Variants in LSAMP observed in about 807,000 individuals in gnomAD.
The protein encoded by LSAMP is limbic system-associated membrane protein.
Under a neutral mutation model 38.6 loss-of-function variants are expected in LSAMP, and 7 were observed. That is an observed-to-expected ratio of 0.18 (90% CI 0.10 to 0.34). The LOEUF (loss-of-function observed/expected upper bound fraction) is 0.34, where lower values mean the gene tolerates loss of function less well. LSAMP is among the 10% of genes least tolerant of loss of function. The pLI, the probability that LSAMP is intolerant of heterozygous loss-of-function variation, is 1.00. For missense variants in LSAMP, 313 were observed against 420.0 expected, an observed-to-expected ratio of 0.75 and a Z score of 2.23; for synonymous variants, 154 against 166.8, an observed-to-expected ratio of 0.92 and a Z score of 0.59.
chr3:116,291,279 G>C (rs1461130), intron 1 of LSAMP, among the ~76,000 whole-genome samples: 1 of 152,138 alleles, frequency 6.6e-6, no homozygotes, highest in East Asian at 1.9e-4. Context: ...TGGGAGTATA[G>C]CTAGGTCTTT....
chr3:116,342,470 C>T (rs2048009345), intron 1 of LSAMP, among the ~76,000 whole-genome samples: 1 of 152,034 alleles, frequency 6.6e-6, no homozygotes, highest in African/African-American at 2.4e-5. Flanking sequence ...TAATACATTT[C>T]TCAAATGTAT....
At position 116,275,099 on chromosome 3, in the gene LSAMP, C is replaced by T. The variant is rs958660020; in HGVS notation, c.155+169778G>A. Among the ~76,000 whole-genome samples the T allele has an allele frequency of 1.8e-4, 28 of 152,074 alleles. 1 individual carries two copies. The highest frequency in any genetic ancestry group is 6.5e-4 in the African/African-American group (27 of 41,416). On this transcript the variant is annotated intron_variant, in intron 1 of 6. Coordinates refer to ENST00000490035, the MANE Select transcript of LSAMP (RefSeq NM_002338.5). ...ACAGGCTCTTGCTCTGTCACTAAGG[C>T]TGTAATGCAGTGGCATCATCATAGC...
chr3:116,244,580 A>C (rs560337144), intron 1 of LSAMP, among the ~76,000 whole-genome samples: 2 of 152,320 alleles, frequency 1.3e-5, no homozygotes, highest in East Asian at 3.9e-4. Flanking sequence ...TAACCTAAGC[A>C]TGCTATCTTC....
chr3:116,179,237 T>A (rs1274496413), intron 1 of LSAMP, among the ~76,000 whole-genome samples: 2 of 152,174 alleles, frequency 1.3e-5, no homozygotes, highest in African/African-American at 4.8e-5. Context: ...TTTGTAGACA[T>A]CTGGAAACAG....
intron 3 of LSAMP, among the ~76,000 whole-genome samples, chr3:115,977,922 A>T (rs1310450829): frequency 6.6e-6 from 1 of 152,102 alleles, no homozygotes; most frequent in African/African-American, 2.4e-5. Flanking sequence ...CTAAGTTATT[A>T]AAAAAATGGT....
rs189073348 is a variant in LSAMP, at chr3:116,102,643, G to A, written c.156-16087C>T. Among the ~76,000 whole-genome samples, 457 of 152,292 alleles carry A rather than the reference G, an allele frequency of 3.0e-3. 2 individuals are homozygous for A. The highest frequency in any genetic ancestry group is 0.01 in the Middle Eastern group (3 of 294). On this transcript the variant is annotated intron_variant, in intron 1 of 6. Coordinates refer to ENST00000490035, the MANE Select transcript of LSAMP (RefSeq NM_002338.5). ...CAAGCTAGGACATTAGTTTTCTCCTGCCTTCACACTTGGACTTGGACTGAA... is the reference window on the plus strand; with the variant it reads ...CAAGCTAGGACATTAGTTTTCTCCTACCTTCACACTTGGACTTGGACTGAA...
chr3:116,220,771 A>G (rs555748958), intron 1 of LSAMP, among the ~76,000 whole-genome samples: 46 of 152,332 alleles, frequency 3.0e-4, no homozygotes, highest in African/African-American at 1.1e-3. Context: ...AACAATGTTG[A>G]CATGGCCAGA....
rs539151462 is a variant in LSAMP at position 115,824,233 on chromosome 3, C to T, written c.920-13819G>A. Among the ~76,000 whole-genome samples the T allele has an allele frequency of 2.0e-5, 3 of 152,268 alleles. No homozygotes were observed. In the South Asian group the frequency reaches 6.2e-4, roughly 32 times the overall value. Reference sequence around the variant, plus strand: ...ATCCCAGAAGTAAATTTATTTGGATCAGCTGTCAGTAAGGTACTCAGGACT... The same window carrying T: ...ATCCCAGAAGTAAATTTATTTGGATTAGCTGTCAGTAAGGTACTCAGGACT... On this transcript the variant is annotated intron_variant, in intron 6 of 6. Transcript: ENST00000490035.
chr3:116,284,643 A>T (rs1252461850), intron 1 of LSAMP, among the ~76,000 whole-genome samples: 1 of 152,190 alleles, frequency 6.6e-6, no homozygotes, highest in Non-Finnish European at 1.5e-5. Flanking sequence ...TTTGGTATTG[A>T]TGGAAGGATA....
At chr3:116,269,003 G>A (rs985253545) in intron 1 of LSAMP, among the ~76,000 whole-genome samples, 2 of 151,868 alleles carry the variant, frequency 1.3e-5, no homozygotes, top group Non-Finnish European at 2.9e-5. Flanking sequence ...TCTCTGGCAG[G>A]GGCTAGAGAA....
At chr3:116,308,568 C>A (rs1031132903) in intron 1 of LSAMP, among the ~76,000 whole-genome samples, 2 of 150,352 alleles carry the variant, frequency 1.3e-5, no homozygotes, top group African/African-American at 4.9e-5. Context: ...CCTGGAGGAA[C>A]AATATTTCCA....
At position 115,803,582 on chromosome 3, in the gene LSAMP, A is replaced by T. The variant is rs1188703562; in HGVS notation, c.*6735T>A. 6.6e-6 allele frequency: 1 copy of T among 152,216 alleles called. No homozygotes were observed. Among genetic ancestry groups the T allele is most frequent in the Non-Finnish European group, 1.5e-5 (1 of 68,046 alleles). The allele number at this position is 152,216 out of a possible 1,614,324, so 9.4% of individuals were successfully genotyped here. A position where few individuals can be genotyped will look rare whatever the true frequency, so the allele number is the denominator to read the frequency against. Reference sequence around the variant, plus strand: ...CTTCACAACAATTCATACTGTCTTCAACTCTGTAACCTCCTAAATTGTGTT... The same window carrying T: ...CTTCACAACAATTCATACTGTCTTCTACTCTGTAACCTCCTAAATTGTGTT... On this transcript the variant is annotated 3_prime_UTR_variant, in exon 7 of 7. Coordinates refer to ENST00000490035, the MANE Select transcript of LSAMP (RefSeq NM_002338.5).
intron 3 of LSAMP, among the ~76,000 whole-genome samples, chr3:115,921,963 C>G (rs1327230585): frequency 1.3e-5 from 2 of 152,108 alleles, no homozygotes; most frequent in Non-Finnish European, 2.9e-5. Flanking sequence ...TTGCATTTCT[C>G]TTGCTCCTTT....
intron 1 of LSAMP, among the ~76,000 whole-genome samples, chr3:116,204,698 G>T (rs1004904946): frequency 2.6e-5 from 4 of 151,880 alleles, no homozygotes; most frequent in Non-Finnish European, 5.9e-5. Flanking sequence ...GTTTGTCAAA[G>T]ATCAGATAGT....
intron 2 of LSAMP, among the ~76,000 whole-genome samples, chr3:116,028,938 T>C (rs748460944): frequency 4.6e-5 from 7 of 152,128 alleles, no homozygotes; most frequent in Non-Finnish European, 8.8e-5. Flanking sequence ...AATAGATGTC[T>C]AGACACTTTA....
chr3:116,259,820 A>C (rs1194898477), intron 1 of LSAMP, among the ~76,000 whole-genome samples: 1 of 152,186 alleles, frequency 6.6e-6, no homozygotes, highest in East Asian at 1.9e-4. Context: ...AGAAAAACAG[A>C]GTGCTTGGGT....
intron 1 of LSAMP, among the ~76,000 whole-genome samples, chr3:116,152,263 C>T (rs766132131): frequency 7.2e-5 from 11 of 152,122 alleles, no homozygotes; most frequent in South Asian, 2.1e-4. Flanking sequence ...TACTATGTGC[C>T]GGGCACCCTT....
At chr3:115,937,037 A>G (rs1937726211) in intron 3 of LSAMP, among the ~76,000 whole-genome samples, 1 of 152,220 alleles carries the variant, frequency 6.6e-6, no homozygotes, top group African/African-American at 2.4e-5. Context: ...TAAAGTTACC[A>G]TTAAAATTGT....
intron 1 of LSAMP, among the ~76,000 whole-genome samples, chr3:116,295,835 AT>A (rs1553722200): frequency 3.0e-3 from 1 of 336 alleles, no homozygotes; most frequent in Non-Finnish European, 9.6e-3. Context: ...GTGAGAAAAC[AT>A]ACATAATAAA....
Sources: allele counts gnomAD v4.1 joint callset (sites outside exome capture counted in the v4.1 genomes callset), GRCh38; gene constraint gnomAD v4.1.1; transcripts MANE v1.5; gene names NCBI Gene and HGNC (gene_info 2026-07-23, HGNC 2026-07-21).